Variants in ABTB2 observed in about 807,000 individuals in gnomAD.
The protein encoded by ABTB2 is ankyrin repeat and BTB domain containing 2, also known as ankyrin repeat and BTB/POZ domain-containing protein 2.
ABTB2 carries 56 observed loss-of-function variants against 104.1 expected under a neutral mutation model. The observed-to-expected ratio is 0.54, with a 90% confidence interval of 0.43 to 0.67. The LOEUF (loss-of-function observed/expected upper bound fraction) is 0.67, where lower values mean the gene tolerates loss of function less well. Ranked by LOEUF, ABTB2 falls within the 30% of genes least tolerant of loss-of-function variation. The pLI is 0.00. For missense variants in ABTB2, 1,279 were observed against 1,407.7 expected (o/e 0.91, Z 1.46); for synonymous variants, 606 against 608.2 (o/e 1.00, Z 0.05).
intron 1 of ABTB2, among the ~76,000 whole-genome samples, chr11:34,288,204 T>C (rs767097411): frequency 4.6e-5 from 7 of 152,178 alleles, no homozygotes; most frequent in Non-Finnish European, 1.0e-4. Context: ...AGCCAGTAAG[T>C]TGAAAGCTTT....
At chr11:34,175,108 C>T (rs919526190) in intron 3 of ABTB2, among the ~76,000 whole-genome samples, 1 of 152,242 alleles carries the variant, frequency 6.6e-6, no homozygotes, top group African/African-American at 2.4e-5. Context: ...AAGTAAGCCA[C>T]CTCCAGGGAG....
chr11:34,194,731 A>G, intron 3 of ABTB2, among the ~76,000 whole-genome samples: 1 of 149,628 alleles, frequency 6.7e-6, no homozygotes, highest in Non-Finnish European at 1.5e-5. Context: ...TCCCTCAGGT[A>G]TTTTTAGGGT....
At chr11:34,270,082 T>C (rs899641660) in intron 1 of ABTB2, among the ~76,000 whole-genome samples, 4 of 152,200 alleles carry the variant, frequency 2.6e-5, no homozygotes, top group African/African-American at 9.7e-5. Context: ...TTCTCATGGA[T>C]GCTTCATGCA....
chr11:34,261,718 T>C (rs68069192), intron 1 of ABTB2, among the ~76,000 whole-genome samples: 7,737 of 152,262 alleles, frequency 0.051, 665 homozygotes, highest in African/African-American at 0.17. Context: ...ATAGTAAATT[T>C]ATAATTATCA....
At chr11:34,351,091 G>A (rs1390957807) in intron 1 of ABTB2, among the ~76,000 whole-genome samples, 2 of 152,212 alleles carry the variant, frequency 1.3e-5, no homozygotes, top group Non-Finnish European at 2.9e-5. Context: ...GAATACTGAT[G>A]GTGAGGTGGG....
intron 1 of ABTB2, among the ~76,000 whole-genome samples, chr11:34,355,316 T>C (rs1427243042): frequency 2.0e-5 from 3 of 152,136 alleles, no homozygotes; most frequent in African/African-American, 4.8e-5. Context: ...AGCTGTTTCT[T>C]CTCCACCAGC....
chr11:34,171,155 G>T, intron 4 of ABTB2, 84 bp from the exon 5 acceptor site: 1 of 1,462,870 alleles, frequency 6.8e-7, no homozygotes, highest in Non-Finnish European at 9.3e-7. Flanking sequence ...TGAGCTTTAC[G>T]TGTAGAGTGA....
intron 1 of ABTB2, among the ~76,000 whole-genome samples, chr11:34,266,394 A>G (rs868438554): frequency 3.3e-5 from 5 of 152,142 alleles, no homozygotes; most frequent in South Asian, 2.1e-4. Context: ...CTCTACTTAT[A>G]TGACTCTAAA....
chr11:34,231,673 C>G lies in ABTB2; in HGVS notation c.884-26983G>C, dbSNP rs562773353. On this transcript the variant is annotated intron_variant, in intron 1 of 16. Coordinates refer to ENST00000435224, the MANE Select transcript of ABTB2 (RefSeq NM_145804.3). ...GCAAACTCCGCCTCCTGGGTTCAAG[C>G]GATTCTCCTGCCTCAGCCTCCCAAG... 2.0e-5 allele frequency among the ~76,000 whole-genome samples: 3 copies of G among 152,254 alleles called. No individual in the cohort carries two copies. The East Asian group carries it at 5.8e-4, about 29-fold the overall frequency.
Position 34,356,598 on chromosome 11 carries a change from CT to C in ABTB2, c.883+102del, listed in dbSNP as rs2133132783. The C allele has an allele frequency of 7.1e-7, 1 of 1,401,460 alleles. No individual in the cohort carries two copies. 86.8% of individuals were successfully genotyped at this position (1,401,460 alleles called of 1,614,324 possible). On this transcript the variant is annotated intron_variant, in intron 1 of 16. Coordinates refer to ENST00000435224, the MANE Select transcript of ABTB2 (RefSeq NM_145804.3). This position sits in a 1 kb window ranked among gnomAD's most constrained non-coding sequence, Gnocchi z 4.6. ...AGACCAAACGTTTTCTCCCAAAGAA[CT>C]GGCACAGCCACCAGCTTTGTCTCAG...
chr11:34,270,630 G>A (rs1332772635), intron 1 of ABTB2, among the ~76,000 whole-genome samples: 4 of 152,250 alleles, frequency 2.6e-5, no homozygotes, highest in East Asian at 3.9e-4. Context: ...GTGAGCCACC[G>A]TGCCCAGCCT....
intron 1 of ABTB2, among the ~76,000 whole-genome samples, chr11:34,221,593 T>C (rs1476444517): frequency 6.6e-6 from 1 of 152,136 alleles, no homozygotes; most frequent in East Asian, 1.9e-4. Flanking sequence ...TCTAGCCAAG[T>C]CCCCTGAGGG....
At chr11:34,161,934 T>C (rs1401488054) in intron 10 of ABTB2, among the ~76,000 whole-genome samples, 2 of 152,140 alleles carry the variant, frequency 1.3e-5, no homozygotes, top group African/African-American at 2.4e-5. Flanking sequence ...GGCCCGGCCC[T>C]GGGGGTTTGT....
rs1274320100 is a variant in ABTB2 at position 34,280,903 on chromosome 11, A to G, written c.883+75798T>C. ...TTCCTCACACCATACTACTTTTCCTAAGATACACATATAACTACCCGCAAT... is the reference window on the plus strand; with the variant it reads ...TTCCTCACACCATACTACTTTTCCTGAGATACACATATAACTACCCGCAAT... On this transcript the variant is annotated intron_variant, in intron 1 of 16. Coordinates refer to ENST00000435224, the MANE Select transcript of ABTB2 (RefSeq NM_145804.3). 2.6e-5 allele frequency among the ~76,000 whole-genome samples: 4 copies of G among 152,160 alleles called. No homozygotes were observed. In the East Asian group the frequency reaches 7.7e-4, roughly 29 times the overall value.
In ABTB2 at chr11:34,162,219, C is replaced by T. The variant is rs542381891; in HGVS notation, c.2218+357G>A. The stretch of plus-strand genomic sequence containing the variant: ...GTCAGCCGAGTGACAGGACTGCCGC[C>T]TCACAGCGTGGAGTCCCGGGGCTTC... On this transcript the variant is annotated intron_variant, in intron 10 of 16. Coordinates refer to ENST00000435224, the MANE Select transcript of ABTB2 (RefSeq NM_145804.3). Among the ~76,000 whole-genome samples, 14 of 152,372 alleles carry T rather than the reference C, an allele frequency of 9.2e-5. No homozygotes were observed. In the South Asian group the frequency reaches 2.7e-3, roughly 29 times the overall value.
Position 34,357,563 on chromosome 11 carries a change from C to A in ABTB2, c.21G>T (p.Ser7=). The A allele has an allele frequency of 6.6e-7, 1 of 1,520,796 alleles. No homozygotes were observed. The highest frequency in any genetic ancestry group is 8.8e-7 in the Non-Finnish European group (1 of 1,134,862). 94.2% of individuals were successfully genotyped at this position (1,520,796 alleles called of 1,614,324 possible). Residue 7 remains serine (S), a synonymous_variant, in exon 1 of 17, where the codon TCG becomes TCT. Coordinates refer to ENST00000435224, the MANE Select transcript of ABTB2 (RefSeq NM_145804.3). MAGTYS[S]TLKTLEDLTL... ...TCAAGTCCTCCAGCGTCTTCAGAGT[C>A]GAGCTGTACGTCCCGGCCATGGGGA...
intron 1 of ABTB2, among the ~76,000 whole-genome samples, chr11:34,229,813 T>C (rs2955955): frequency 0.67 from 102,319 of 152,102 alleles, 34,582 homozygotes; most frequent in Middle Eastern, 0.8. Context: ...TGTTAAATAT[T>C]GTTCATATAT....
intron 1 of ABTB2, among the ~76,000 whole-genome samples, chr11:34,273,930 A>G (rs1471242432): frequency 6.6e-6 from 1 of 151,722 alleles, no homozygotes; most frequent in Non-Finnish European, 1.5e-5. Flanking sequence ...AGGCGGGTGG[A>G]TCATGAGGTC....
At chr11:34,301,700 T>C (rs780177348) in intron 1 of ABTB2, among the ~76,000 whole-genome samples, 1 of 152,204 alleles carries the variant, frequency 6.6e-6, no homozygotes, top group Non-Finnish European at 1.5e-5. Context: ...AAACATAATA[T>C]AGGCCAGACG....
Sources: allele counts gnomAD v4.1 joint callset (sites outside exome capture counted in the v4.1 genomes callset), GRCh38; gene constraint gnomAD v4.1.1; non-coding constraint Gnocchi (gnomAD v3.1); transcripts MANE v1.5; gene names NCBI Gene and HGNC (gene_info 2026-07-23, HGNC 2026-07-21).